The following BNC2 variants were observed in gnomAD, a reference collection of about 807,000 sequenced individuals.
BNC2 encodes the protein basonuclin zinc finger protein 2.
A neutral mutation model predicts 76.3 loss-of-function variants in BNC2; 20 were observed. The observed-to-expected ratio is 0.26, with a 90% CI of 0.18 to 0.38. The LOEUF is 0.38. Ranked by LOEUF, BNC2 falls within the 10% of genes least tolerant of loss-of-function variation. The probability of loss-of-function intolerance (pLI) is 1.00; values close to 1 mark genes in which losing one functional copy is unlikely to be tolerated. For missense variants in BNC2, 1,382 were observed against 1,399.8 expected (o/e 0.99, Z 0.20); for synonymous variants, 582 against 514.8 (o/e 1.13, Z -1.77).
In BNC2 at chr9:16,419,435, C is replaced by T; in HGVS notation, c.2854G>A (p.Gly952Ser). The change falls in exon 7 of 7, where the codon GGC becomes AGC. Residue 952 changes from glycine to serine, a missense_variant. Gly to Ser is a moderately conservative substitution (Grantham distance 56, BLOSUM62 0). This residue lies in a region of BNC2 where 798 missense variants were observed against 775.5 expected (regional missense o/e 1.03). Coordinates refer to ENST00000380672, the MANE Select transcript of BNC2 (RefSeq NM_017637.6). ...AGGACCATGTAGTCCTCTGCCATGC[C>T]TCTCCCATACCCGTTCAGGTGGGAG... ...EDSHLNGYGR[G>S]MAEDYMVLDL... 1 of 1,609,346 alleles carries T rather than the reference C, an allele frequency of 6.2e-7. No individual in the cohort carries two copies. Among genetic ancestry groups the T allele is most frequent in the Non-Finnish European group, 8.5e-7 (1 of 1,177,384 alleles).
intron 1 of BNC2, among the ~76,000 whole-genome samples, chr9:16,846,627 T>C (rs1415942801): frequency 6.6e-6 from 1 of 152,204 alleles, no homozygotes; most frequent in African/African-American, 2.4e-5. Context: ...CATATTTTCA[T>C]ACAAGCTGGT....
chr9:16,683,941 TC>T (rs1822900165), intron 3 of BNC2, among the ~76,000 whole-genome samples: 1 of 152,312 alleles, frequency 6.6e-6, no homozygotes, highest in East Asian at 1.9e-4. Context: ...CATTACTTTG[TC>T]CAGGAACTTA....
chr9:16,551,340 G>C (rs1027666083), intron 5 of BNC2, among the ~76,000 whole-genome samples: 1 of 152,060 alleles, frequency 6.6e-6, no homozygotes, highest in Non-Finnish European at 1.5e-5. Flanking sequence ...CCAGCTAACA[G>C]CTGGAGGTAC....
chr9:16,730,655 A>G (rs1856132), intron 2 of BNC2, among the ~76,000 whole-genome samples: 13,907 of 152,236 alleles, frequency 0.091, 822 homozygotes, highest in Admixed American at 0.19. Context: ...GCTACCCAGT[A>G]TAGGCAAACT....
At chr9:16,788,239 G>C (rs1296215915) in intron 1 of BNC2, among the ~76,000 whole-genome samples, 1 of 152,106 alleles carries the variant, frequency 6.6e-6, no homozygotes, top group Non-Finnish European at 1.5e-5. Flanking sequence ...GAACTGACTT[G>C]GCTGATGACA....
intron 5 of BNC2, among the ~76,000 whole-genome samples, chr9:16,461,883 G>C (rs1426476255): frequency 6.6e-6 from 1 of 152,190 alleles, no homozygotes; most frequent in African/African-American, 2.4e-5. Context: ...CACTTCTCAT[G>C]TGCATGCAGT....
intron 5 of BNC2, among the ~76,000 whole-genome samples, chr9:16,516,150 C>CT (rs1817418089): frequency 6.6e-6 from 1 of 152,160 alleles, no homozygotes; most frequent in African/African-American, 2.4e-5. Flanking sequence ...AACACACAGC[C>CT]TAACTGTGCT....
At chr9:16,666,254 A>G (rs1352201419) in intron 3 of BNC2, among the ~76,000 whole-genome samples, 10 of 152,122 alleles carry the variant, frequency 6.6e-5, no homozygotes, top group Admixed American at 6.5e-4. Context: ...GGGCATCTCT[A>G]TCTATCTGAT....
chr9:16,762,975 G>T (rs1386408797), intron 1 of BNC2, among the ~76,000 whole-genome samples: 1 of 152,030 alleles, frequency 6.6e-6, no homozygotes, highest in Non-Finnish European at 1.5e-5. Context: ...GAAAATCAAG[G>T]AAGAAAGGTT....
intron 3 of BNC2, among the ~76,000 whole-genome samples, chr9:16,640,638 G>A (rs1403237193): frequency 6.6e-6 from 1 of 152,144 alleles, no homozygotes; most frequent in Admixed American, 6.5e-5. Flanking sequence ...GAAACTGTGA[G>A]GGATGGTTTG....
chr9:16,671,317 C>T (rs1364145043), intron 3 of BNC2, among the ~76,000 whole-genome samples: 3 of 151,888 alleles, frequency 2.0e-5, no homozygotes, highest in African/African-American at 7.3e-5. Flanking sequence ...TCAAAATGAA[C>T]GAAAAGGTGA....
At chr9:16,826,191 C>G (rs1302681141) in intron 1 of BNC2, among the ~76,000 whole-genome samples, 4 of 151,384 alleles carry the variant, frequency 2.6e-5, no homozygotes, top group Non-Finnish European at 5.9e-5. Flanking sequence ...AAACTGGACA[C>G]AACAGCCCCC....
At chr9:16,859,079 T>C (rs1351417618) in intron 1 of BNC2, among the ~76,000 whole-genome samples, 1 of 151,684 alleles carries the variant, frequency 6.6e-6, no homozygotes, top group East Asian at 1.9e-4. Flanking sequence ...CATATACAAA[T>C]GCCCAAAAAG....
intron 3 of BNC2, among the ~76,000 whole-genome samples, chr9:16,584,373 G>A (rs941678883): frequency 6.6e-6 from 1 of 152,152 alleles, no homozygotes; most frequent in Non-Finnish European, 1.5e-5. Context: ...TCCATTCACA[G>A]AGAATAAGAC....
chr9:16,636,153 A>G (rs1821318750), intron 3 of BNC2, among the ~76,000 whole-genome samples: 1 of 152,216 alleles, frequency 6.6e-6, no homozygotes, highest in African/African-American at 2.4e-5. Context: ...AGACACTCAA[A>G]GGCTAAAATG....
intron 1 of BNC2, among the ~76,000 whole-genome samples, chr9:16,833,840 C>A (rs190907222): frequency 2.5e-3 from 374 of 152,186 alleles, no homozygotes; most frequent in Non-Finnish European, 4.4e-3. Context: ...GCCTCCTAGC[C>A]CCTTCCTTCC....
rs138605887 is a variant in BNC2 at position 16,639,104 on chromosome 9, T to C, written c.331-56019A>G. Among the ~76,000 whole-genome samples the C allele has an allele frequency of 7.5e-3, 1,136 of 152,308 alleles. 44 individuals are homozygous for C. The highest frequency in any genetic ancestry group is 0.067 in the Admixed American group (1,025 of 15,292). On this transcript the variant is annotated intron_variant, in intron 3 of 6. Coordinates refer to ENST00000380672, the MANE Select transcript of BNC2 (RefSeq NM_017637.6). Reference sequence around the variant, plus strand: ...TCCCTCAAAAGAAACTTTTCCTTAATGTGAACTTAATAAGTTTGAGGTTAT... The same window carrying C: ...TCCCTCAAAAGAAACTTTTCCTTAACGTGAACTTAATAAGTTTGAGGTTAT...
intron 3 of BNC2, among the ~76,000 whole-genome samples, chr9:16,702,808 A>C (rs78676062): frequency 6.6e-6 from 1 of 152,184 alleles, no homozygotes; most frequent in Non-Finnish European, 1.5e-5. Context: ...CTGTAAGCTA[A>C]ATGTCCTTTT....
At chr9:16,632,852 T>C (rs1423759686) in intron 3 of BNC2, among the ~76,000 whole-genome samples, 1 of 152,178 alleles carries the variant, frequency 6.6e-6, no homozygotes, top group Non-Finnish European at 1.5e-5. Flanking sequence ...AACCACTTTC[T>C]CAATAATTCC....
Sources: gnomAD v4.1 joint callset for allele counts (sites outside exome capture counted in the v4.1 genomes callset) on GRCh38, gnomAD v4.1.1 for gene constraint, gnomAD v4.1.1 regional missense constraint, MANE v1.5 for transcripts, NCBI Gene and HGNC (gene_info 2026-07-23, HGNC 2026-07-21) for gene names.